TTC7B: variants seen among roughly 807,000 people sequenced by gnomAD.
The protein encoded by TTC7B is tetratricopeptide repeat domain 7B, also known as tetratricopeptide repeat protein 7B.
Under a neutral mutation model 106.8 loss-of-function variants are expected in TTC7B, and 28 were observed. The ratio of observed to expected loss-of-function variants is 0.26; its 90% CI spans 0.19 to 0.36. TTC7B has a LOEUF of 0.36. TTC7B is among the 10% of genes least tolerant of loss of function. The probability of loss-of-function intolerance (pLI) is 1.00; values close to 1 mark genes in which losing one functional copy is unlikely to be tolerated. For missense variants in TTC7B, 862 were observed against 1,076.4 expected, an observed-to-expected ratio of 0.80 and a Z score of 2.79; for synonymous variants, 405 against 430.6, an observed-to-expected ratio of 0.94 and a Z score of 0.74.
intron 19 of TTC7B, among the ~76,000 whole-genome samples, chr14:90,576,915 C>T (rs1160221682): frequency 6.6e-6 from 1 of 152,180 alleles, no homozygotes; most frequent in Non-Finnish European, 1.5e-5. Context: ...CAGACACAGC[C>T]TGTCTAGTCA....
At chr14:90,564,434 AG>A (rs1175324532) in intron 19 of TTC7B, among the ~76,000 whole-genome samples, 1 of 152,210 alleles carries the variant, frequency 6.6e-6, no homozygotes, top group African/African-American at 2.4e-5. Context: ...TAAGGGCCCT[AG>A]GATTTTCAAA....
chr14:90,735,983 A>G (rs918873119), intron 4 of TTC7B, among the ~76,000 whole-genome samples: 2 of 152,184 alleles, frequency 1.3e-5, no homozygotes, highest in African/African-American at 4.8e-5. Flanking sequence ...TATCATAAAG[A>G]AGTGCCTATT....
At chr14:90,581,254 C>T (rs1175482425) in intron 18 of TTC7B, among the ~76,000 whole-genome samples, 1 of 152,182 alleles carries the variant, frequency 6.6e-6, no homozygotes, top group Non-Finnish European at 1.5e-5. Context: ...GACCGCCCAG[C>T]CATGCCTGCC....
Position 90,527,163 on chromosome 14 carries a change from C to T in TTC7B, c.*14205G>A, listed in dbSNP as rs1889167600. 6.6e-6 allele frequency: 1 copy of T among 151,998 alleles called. No homozygotes were observed. The highest frequency in any genetic ancestry group is 1.5e-5 in the Non-Finnish European group (1 of 68,030). The allele number at this position is 151,998 out of a possible 1,614,324, so 9.4% of individuals were successfully genotyped here. On this transcript the variant is annotated 3_prime_UTR_variant, in exon 20 of 20. Transcript: ENST00000328459. ...AGATGAGGTGCCCTGCTCACCCCAT[C>T]ATATCTGGGGGTACCTGGTATTCAC...
At chr14:90,723,661 C>T (rs917378593) in intron 5 of TTC7B, among the ~76,000 whole-genome samples, 1 of 152,228 alleles carries the variant, frequency 6.6e-6, no homozygotes, top group Non-Finnish European at 1.5e-5. Flanking sequence ...TCAATGTCAC[C>T]TCCTCCGGAG....
In TTC7B at chr14:90,600,761, C is replaced by G. The variant is rs1057471305; in HGVS notation, c.1967-7135G>C. 6.6e-6 allele frequency among the ~76,000 whole-genome samples: 1 copy of G among 152,182 alleles called. No individual in the cohort carries two copies. Among genetic ancestry groups the G allele is most frequent in the Admixed American group, 6.5e-5 (1 of 15,280 alleles). The stretch of plus-strand genomic sequence containing the variant: ...GTCACACAGAAAGCATGGAGGGAAG[C>G]CGTTCACACGCATGCAGGAAGGTGC... On this transcript the variant is annotated intron_variant, in intron 17 of 19. Coordinates refer to ENST00000328459, the MANE Select transcript of TTC7B (RefSeq NM_001010854.2). This position sits in a 1 kb window ranked among gnomAD's most constrained non-coding sequence, Gnocchi z 4.3.
At chr14:90,598,552 G>A (rs982351122) in intron 17 of TTC7B, among the ~76,000 whole-genome samples, 5 of 152,252 alleles carry the variant, frequency 3.3e-5, no homozygotes, top group Admixed American at 6.5e-5. Flanking sequence ...GAACCAAGAG[G>A]AACCAAGGCC....
intron 5 of TTC7B, among the ~76,000 whole-genome samples, chr14:90,716,288 G>C (rs1234466000): frequency 6.6e-6 from 1 of 152,256 alleles, no homozygotes; most frequent in Non-Finnish European, 1.5e-5. Context: ...ACTGGGGGAT[G>C]GTAGTGGCTG....
chr14:90,602,161 A>G (rs1237468450), intron 17 of TTC7B: 1 of 455,958 alleles, frequency 2.2e-6, no homozygotes, highest in Non-Finnish European at 4.4e-6. Flanking sequence ...CCCCATATCC[A>G]CCAGCATTTC....
rs1312192746 is a variant in TTC7B at position 90,547,031 on chromosome 14, G to A, written c.2311-5442C>T. 5.9e-5 allele frequency among the ~76,000 whole-genome samples: 9 copies of A among 152,292 alleles called. No individual in the cohort carries two copies. The East Asian group carries it at 1.2e-3, about 20-fold the overall frequency. Reference sequence around the variant, plus strand: ...CCTCCCCTGTGTGTGGAGAGGATGCGCACACAGACTTCCACCTTCCCCAGC... The same window carrying A: ...CCTCCCCTGTGTGTGGAGAGGATGCACACACAGACTTCCACCTTCCCCAGC... On this transcript the variant is annotated intron_variant, in intron 19 of 19. Coordinates refer to ENST00000328459, the MANE Select transcript of TTC7B (RefSeq NM_001010854.2).
At chr14:90,625,776 A>G (rs767496465) in intron 15 of TTC7B, among the ~76,000 whole-genome samples, 2 of 152,214 alleles carry the variant, frequency 1.3e-5, no homozygotes, top group Admixed American at 1.3e-4. Flanking sequence ...CAATAATGTC[A>G]CGTGAATAAT....
At chr14:90,603,820 G>A (rs1892528945) in intron 17 of TTC7B, among the ~76,000 whole-genome samples, 1 of 152,200 alleles carries the variant, frequency 6.6e-6, no homozygotes, top group Non-Finnish European at 1.5e-5. Flanking sequence ...GCATTTGTCA[G>A]TATGTTTTCC....
Position 90,524,896 on chromosome 14 carries a change from AAAAAAC to A in TTC7B, c.*16466_*16471del, listed in dbSNP as rs1455904815. On this transcript the variant is annotated 3_prime_UTR_variant, in exon 20 of 20. Coordinates refer to ENST00000328459, the MANE Select transcript of TTC7B (RefSeq NM_001010854.2). ...TTACGAGGCCTTTTTTTTTAAAAAAAAAAAACAAACAAAAAAACAAAAAACAGCCTT... is the reference window on the plus strand; with the variant it reads ...TTACGAGGCCTTTTTTTTTAAAAAAAAAACAAAAAAACAAAAAACAGCCTT... 1.3e-5 allele frequency: 2 copies of A among 152,214 alleles called. No homozygotes were observed. Among genetic ancestry groups the A allele is most frequent in the East Asian group, 1.9e-4 (1 of 5,186 alleles). 9.4% of individuals were successfully genotyped at this position (152,214 alleles called of 1,614,324 possible).
At chr14:90,555,057 T>C (rs1018345929) in intron 19 of TTC7B, among the ~76,000 whole-genome samples, 1 of 152,182 alleles carries the variant, frequency 6.6e-6, no homozygotes, top group African/African-American at 2.4e-5. Flanking sequence ...CCAAGCCAGG[T>C]AGACGTCAGG....
At chr14:90,571,296 C>T (rs537072962) in intron 19 of TTC7B, among the ~76,000 whole-genome samples, 14 of 152,200 alleles carry the variant, frequency 9.2e-5, no homozygotes, top group Admixed American at 2.6e-4. Context: ...TGTCACCAGA[C>T]AGAAGACAGA....
chr14:90,680,474 T>C lies in TTC7B; in HGVS notation c.1012A>G (p.Met338Val). The C allele has an allele frequency of 1.2e-6, 2 of 1,613,510 alleles. No individual in the cohort carries two copies. The highest frequency in any genetic ancestry group is 2.2e-5 in the South Asian group (2 of 91,060). Residue 338 changes from methionine to valine, a missense_variant and splice_region_variant, in exon 8 of 20, where the codon ATG becomes GTG. Met to Val is a conservative substitution (Grantham distance 21, BLOSUM62 1). Coordinates refer to ENST00000328459, the MANE Select transcript of TTC7B (RefSeq NM_001010854.2). ...ALLLLLISES[M>V]ANRDAVLSRI... ...ATGTAAAAACACATTCCACTTACCA[T>C]TGATTCACTAATCAGCAATAACAAC...
intron 13 of TTC7B, 92 bp downstream of exon 13, chr14:90,652,749 T>C (rs1885782552): frequency 6.8e-7 from 1 of 1,463,360 alleles, no homozygotes; most frequent in African/African-American, 1.4e-5. Context: ...AAACACTGTT[T>C]ACATAATCTT....
intron 5 of TTC7B, among the ~76,000 whole-genome samples, chr14:90,723,185 T>C (rs1888961460): frequency 1.3e-5 from 2 of 152,192 alleles, no homozygotes; most frequent in African/African-American, 2.4e-5. Flanking sequence ...AGGCTGAAAC[T>C]GGGGAGTCAT....
At position 90,659,766 on chromosome 14, in the gene TTC7B, T is replaced by C. The variant is rs545250026; in HGVS notation, c.1153-1379A>G. Among the ~76,000 whole-genome samples, 4 of 152,042 alleles carry C rather than the reference T, an allele frequency of 2.6e-5. No individual in the cohort carries two copies. The South Asian group carries it at 8.3e-4, about 32-fold the overall frequency. On this transcript the variant is annotated intron_variant, in intron 9 of 19. Coordinates refer to ENST00000328459, the MANE Select transcript of TTC7B (RefSeq NM_001010854.2). The stretch of plus-strand genomic sequence containing the variant: ...GCAAAGAAAAGATGGAGATGAGGTA[T>C]GAAGGAAGGATGTGTGGGGTGAAGA...
Sources: allele counts gnomAD v4.1 joint callset (sites outside exome capture counted in the v4.1 genomes callset), GRCh38; gene constraint gnomAD v4.1.1; non-coding constraint Gnocchi (gnomAD v3.1); transcripts MANE v1.5; gene names NCBI Gene and HGNC (gene_info 2026-07-23, HGNC 2026-07-21).